RASAL2: variants seen among roughly 807,000 people sequenced by gnomAD.
The protein encoded by RASAL2 is ras GTPase-activating protein nGAP.
RASAL2 carries 58 observed loss-of-function variants against 128.9 expected under a neutral mutation model. The observed-to-expected ratio is 0.45, with a 90% CI of 0.36 to 0.56. RASAL2 has a LOEUF of 0.56. Among genes scored for constraint, RASAL2 ranks in the 20% least tolerant of loss-of-function variants. The pLI is 0.00. For synonymous variants in RASAL2, 561 were observed against 580.8 expected (o/e 0.97, Z 0.49); for missense variants, 1,360 against 1,601.6 (o/e 0.85, Z 2.57).
intron 5 of RASAL2, among the ~76,000 whole-genome samples, chr1:178,430,683 C>A (rs747815348): frequency 5.3e-5 from 8 of 151,622 alleles, no homozygotes; most frequent in Non-Finnish European, 8.8e-5. Context: ...AATCATTATC[C>A]ACATTATCTA....
chr1:178,211,136 A>G (rs2101985243), intron 1 of RASAL2, among the ~76,000 whole-genome samples: 1 of 152,298 alleles, frequency 6.6e-6, no homozygotes, highest in African/African-American at 2.4e-5. Flanking sequence ...AGGTAACAAA[A>G]GCCCTCAAGC....
intron 3 of RASAL2, among the ~76,000 whole-genome samples, chr1:178,309,257 A>AACCATGAG (rs1365809583): frequency 6.6e-6 from 1 of 152,136 alleles, no homozygotes; most frequent in Non-Finnish European, 1.5e-5. Context: ...TTTCCTTAAA[A>AACCATGAG]TGTCATGTCT....
chr1:178,248,319 T>A (rs557517851), intron 1 of RASAL2, among the ~76,000 whole-genome samples: 2 of 152,354 alleles, frequency 1.3e-5, no homozygotes, highest in East Asian at 3.9e-4. Context: ...TTTACCATTA[T>A]GTAATGCCCT....
chr1:178,282,235 G>C (rs1396385108), intron 1 of RASAL2, among the ~76,000 whole-genome samples: 1 of 152,016 alleles, frequency 6.6e-6, no homozygotes, highest in Non-Finnish European at 1.5e-5. Context: ...ATTATCTTTG[G>C]GGGGAGTTGA....
Position 178,104,650 on chromosome 1 carries a change from A to G in RASAL2, c.202+9956A>G, listed in dbSNP as rs144935430. Among the ~76,000 whole-genome samples, 365 of 152,262 alleles carry G rather than the reference A, an allele frequency of 2.4e-3. 2 individuals are homozygous for G. The highest frequency in any genetic ancestry group is 8.5e-3 in the African/African-American group (352 of 41,562). On this transcript the variant is annotated intron_variant, in intron 1 of 17. Transcript: ENST00000367649. ...AATATGGCTCATAATTTTAAGTTCT[A>G]CTGCTGTGTTGCTACTTTCAATGTA...
intron 4 of RASAL2, among the ~76,000 whole-genome samples, chr1:178,402,312 G>T (rs1400936354): frequency 6.6e-6 from 1 of 152,030 alleles, no homozygotes; most frequent in African/African-American, 2.4e-5. Flanking sequence ...AGCTACTCGG[G>T]AGGATCACTT....
intron 1 of RASAL2, among the ~76,000 whole-genome samples, chr1:178,222,403 T>C (rs1401596520): frequency 1.3e-5 from 2 of 152,134 alleles, no homozygotes; most frequent in African/African-American, 4.8e-5. Context: ...AGCATGTCAG[T>C]TATCTTTTTT....
At chr1:178,343,944 A>G (rs955390228) in intron 3 of RASAL2, among the ~76,000 whole-genome samples, 4 of 152,312 alleles carry the variant, frequency 2.6e-5, no homozygotes, top group African/African-American at 4.8e-5. Flanking sequence ...AGATCAAATC[A>G]GTATACTTGG....
chr1:178,451,759 G>T, intron 10 of RASAL2, 44 bp downstream of exon 10: 1 of 1,573,272 alleles, frequency 6.4e-7, no homozygotes. Flanking sequence ...TCATGTAAAG[G>T]TCATCACAGT....
At chr1:178,289,791 G>T (rs147518540) in intron 2 of RASAL2, among the ~76,000 whole-genome samples, 205 of 152,220 alleles carry the variant, frequency 1.3e-3, no homozygotes, top group African/African-American at 4.7e-3. Flanking sequence ...AAGGCCAAAA[G>T]CTTCCCCAAC....
intron 1 of RASAL2, among the ~76,000 whole-genome samples, chr1:178,116,308 C>T (rs1365823193): frequency 6.6e-6 from 1 of 152,068 alleles, no homozygotes; most frequent in Non-Finnish European, 1.5e-5. Context: ...GGGAGCGTTA[C>T]TCATTTTAAT....
intron 3 of RASAL2, chr1:178,341,398 G>A (rs1669869822): frequency 7.2e-7 from 1 of 1,379,930 alleles, no homozygotes; most frequent in Non-Finnish European, 9.4e-7. Flanking sequence ...GGGATTGGGG[G>A]CGGGGTTGGG....
chr1:178,101,844 G>T (rs1658911971), intron 1 of RASAL2, among the ~76,000 whole-genome samples: 1 of 152,148 alleles, frequency 6.6e-6, no homozygotes, highest in South Asian at 2.1e-4. Flanking sequence ...AAAGCTGAAG[G>T]TCAGGAAAAC....
At chr1:178,371,550 G>A (rs1482023190) in intron 3 of RASAL2, among the ~76,000 whole-genome samples, 1 of 152,060 alleles carries the variant, frequency 6.6e-6, no homozygotes, top group Non-Finnish European at 1.5e-5. Flanking sequence ...CGCCATGCGA[G>A]GTGGGGGGAG....
intron 3 of RASAL2, among the ~76,000 whole-genome samples, chr1:178,360,958 T>C (rs1671075611): frequency 6.6e-6 from 1 of 152,234 alleles, no homozygotes; most frequent in Non-Finnish European, 1.5e-5. Context: ...ATGTCATTTA[T>C]GAATAAATAT....
chr1:178,444,876 G>T (rs1459419088), intron 8 of RASAL2, among the ~76,000 whole-genome samples: 1 of 152,072 alleles, frequency 6.6e-6, no homozygotes, highest in Non-Finnish European at 1.5e-5. Context: ...ACAGAAACTG[G>T]TTTTCTGGGG....
intron 1 of RASAL2, among the ~76,000 whole-genome samples, chr1:178,195,923 C>T (rs1343251716): frequency 1.3e-5 from 2 of 151,894 alleles, no homozygotes; most frequent in African/African-American, 4.8e-5. Flanking sequence ...TATATATTAC[C>T]CATACTATTC....
chr1:178,162,312 G>A (rs1220900788), intron 1 of RASAL2, among the ~76,000 whole-genome samples: 2 of 110,396 alleles, frequency 1.8e-5, no homozygotes, highest in African/African-American at 3.9e-5. Context: ...TATATATAAT[G>A]TATTATATAT....
chr1:178,362,113 T>C (rs892731596), intron 3 of RASAL2, among the ~76,000 whole-genome samples: 4 of 152,098 alleles, frequency 2.6e-5, no homozygotes. Context: ...GGCCTGGGGG[T>C]TGGGGACCCC....
Sources: allele counts gnomAD v4.1 joint callset (sites outside exome capture counted in the v4.1 genomes callset), GRCh38; gene constraint gnomAD v4.1.1; transcripts MANE v1.5; gene names NCBI Gene and HGNC (gene_info 2026-07-23, HGNC 2026-07-21).